The following PREX1 variants were observed in gnomAD, a reference collection of about 807,000 sequenced individuals.
PREX1 encodes the protein phosphatidylinositol-3,4,5-trisphosphate dependent Rac exchange factor 1, also known as phosphatidylinositol 3,4,5-trisphosphate-dependent Rac exchanger 1 protein.
Under a neutral mutation model 198.3 loss-of-function variants are expected in PREX1, and 41 were observed. The observed-to-expected ratio is 0.21, with a 90% confidence interval of 0.16 to 0.27. The LOEUF (loss-of-function observed/expected upper bound fraction) is 0.27. Among genes scored for constraint, PREX1 ranks in the 10% least tolerant of loss-of-function variants. The pLI is 1.00. For missense variants in PREX1, 1,620 were observed against 2,200.7 expected (o/e 0.74, Z 5.28); for synonymous variants, 843 against 887.2 (o/e 0.95, Z 0.89).
At chr20:48,769,822 C>T (rs1179765183) in intron 1 of PREX1, among the ~76,000 whole-genome samples, 1 of 152,160 alleles carries the variant, frequency 6.6e-6, no homozygotes, top group Non-Finnish European at 1.5e-5. Flanking sequence ...TCTAATTTTG[C>T]TTCATGTTTT....
the PREX1 span, among the ~76,000 whole-genome samples, chr20:48,860,612 G>A: frequency 3.3e-5 from 5 of 152,252 alleles, no homozygotes; most frequent in East Asian, 1.9e-4. Flanking sequence ...ACCCCGAGGC[G>A]GGTGGATCAT....
At chr20:48,781,955 A>G (rs987600924) in intron 1 of PREX1, among the ~76,000 whole-genome samples, 2 of 152,234 alleles carry the variant, frequency 1.3e-5, no homozygotes, top group Admixed American at 1.3e-4. Context: ...GGAGGCCCAC[A>G]GATTTTAAAT....
the PREX1 span, among the ~76,000 whole-genome samples, chr20:48,863,030 G>C: frequency 6.6e-6 from 1 of 151,596 alleles, no homozygotes; most frequent in Non-Finnish European, 1.5e-5. Flanking sequence ...GTCACACCAG[G>C]TTGCCTGGGC....
At chr20:48,641,462 A>G (rs988666333) in intron 29 of PREX1, among the ~76,000 whole-genome samples, 1 of 152,104 alleles carries the variant, frequency 6.6e-6, no homozygotes, top group African/African-American at 2.4e-5. Context: ...AGTGATGTCA[A>G]TAATAAGAAA....
chr20:48,788,539 G>A (rs1186127571), intron 1 of PREX1, among the ~76,000 whole-genome samples: 1 of 152,194 alleles, frequency 6.6e-6, no homozygotes, highest in Admixed American at 6.5e-5. Flanking sequence ...ACAGGATGAA[G>A]CCAATTCTTT....
At chr20:48,653,783 T>C (rs1207085321) in intron 19 of PREX1, among the ~76,000 whole-genome samples, 1 of 152,232 alleles carries the variant, frequency 6.6e-6, no homozygotes, top group Non-Finnish European at 1.5e-5. Context: ...CCTCGTCTCC[T>C]TTAAAGTCCT....
chr20:48,646,215 C>T (rs992180772), intron 25 of PREX1, among the ~76,000 whole-genome samples, 158 bp from the exon 26 acceptor site: 1 of 152,162 alleles, frequency 6.6e-6, no homozygotes, highest in Non-Finnish European at 1.5e-5. Flanking sequence ...CAAGGCTCTA[C>T]CAGAAGGTGA....
chr20:48,731,589 T>C (rs1476392409), intron 4 of PREX1, among the ~76,000 whole-genome samples: 1 of 152,214 alleles, frequency 6.6e-6, no homozygotes, highest in Non-Finnish European at 1.5e-5. Context: ...AAGACACTAC[T>C]CCATCATTCT....
intron 2 of PREX1, 54 bp from the exon 3 acceptor site, chr20:48,745,201 A>AGCT (rs1179282031): frequency 1.5e-5 from 23 of 1,542,942 alleles, no homozygotes; most frequent in Non-Finnish European, 2.0e-5. Flanking sequence ...GGGAGAGCAA[A>AGCT]GCCAAGCACT....
the PREX1 span, among the ~76,000 whole-genome samples, chr20:48,846,502 C>T: frequency 1.3e-5 from 2 of 152,108 alleles, no homozygotes; most frequent in African/African-American, 4.8e-5. Flanking sequence ...CTCACACAAC[C>T]ACTCCCCTTG....
intron 10 of PREX1, among the ~76,000 whole-genome samples, chr20:48,681,569 T>A (rs1379440740): frequency 6.6e-6 from 1 of 150,874 alleles, no homozygotes; most frequent in East Asian, 1.9e-4. Context: ...GCTCACTGGA[T>A]GGATGCATGG....
rs528393245 is a variant in PREX1 at position 48,697,193 on chromosome 20, G to A, written c.917+3560C>T. Among the ~76,000 whole-genome samples, 8 of 152,134 alleles carry A rather than the reference G, an allele frequency of 5.3e-5. No homozygotes were observed. In the South Asian group the frequency reaches 6.2e-4, roughly 12 times the overall value. On this transcript the variant is annotated intron_variant, in intron 7 of 39. Transcript: ENST00000371941. ...ATTTGTATTTCTTCCACTTGACCAC[G>A]CACCAGGCCTTATTCTAACCACATT...
chr20:48,773,878 G>A (rs956957112), intron 1 of PREX1, among the ~76,000 whole-genome samples: 3 of 152,172 alleles, frequency 2.0e-5, no homozygotes, highest in Non-Finnish European at 4.4e-5. Flanking sequence ...ACTGTAGCAG[G>A]GAGCTCAGGA....
chr20:48,818,009 G>C (rs1409513525), intron 1 of PREX1, among the ~76,000 whole-genome samples: 1 of 152,078 alleles, frequency 6.6e-6, no homozygotes, highest in Non-Finnish European at 1.5e-5. Context: ...TGGTGAGGTG[G>C]GGATGTGCGG....
chr20:48,681,459 C>T (rs2089749972), intron 10 of PREX1, 124 bp from the exon 11 acceptor site: 1 of 884,680 alleles, frequency 1.1e-6, no homozygotes. Context: ...CACAGGGAAG[C>T]CGAGTGTAGT....
At chr20:48,648,262 C>G (rs971135113) in intron 25 of PREX1, among the ~76,000 whole-genome samples, 1 of 152,236 alleles carries the variant, frequency 6.6e-6, no homozygotes, top group Non-Finnish European at 1.5e-5. Flanking sequence ...ACACCTACTT[C>G]CGCAGGTGTC....
chr20:48,868,403 C>T, the PREX1 span, among the ~76,000 whole-genome samples: 51 of 152,120 alleles, frequency 3.4e-4, no homozygotes, highest in South Asian at 1.9e-3. Context: ...CTGCAACCTC[C>T]GCCTCCCAGG....
At chr20:48,766,769 C>A (rs549086367) in intron 1 of PREX1, among the ~76,000 whole-genome samples, 3 of 152,308 alleles carry the variant, frequency 2.0e-5, no homozygotes, top group South Asian at 4.1e-4. Context: ...TCAGAGGTCC[C>A]ACTTAGTCCC....
intron 1 of PREX1, among the ~76,000 whole-genome samples, chr20:48,753,859 A>G (rs551352987): frequency 7.9e-5 from 12 of 152,288 alleles, no homozygotes; most frequent in East Asian, 3.9e-4. Flanking sequence ...CACCCACTAC[A>G]TAGCCACCTG....
Sources: gnomAD v4.1 joint callset for allele counts (sites outside exome capture counted in the v4.1 genomes callset) on GRCh38, gnomAD v4.1.1 for gene constraint, MANE v1.5 for transcripts, NCBI Gene and HGNC (gene_info 2026-07-23, HGNC 2026-07-21) for gene names.